ME2: variants seen among roughly 807,000 people sequenced by gnomAD.
ME2 encodes NAD-dependent malic enzyme, mitochondrial.
A neutral mutation model predicts 73.7 loss-of-function variants in ME2; 60 were observed. The observed-to-expected ratio is 0.81, with a 90% CI of 0.66 to 1.01. The LOEUF (loss-of-function observed/expected upper bound fraction) is 1.01, where lower values mean the gene tolerates loss of function less well. Among genes scored for constraint, ME2 ranks in the 50% least tolerant of loss-of-function variants. The probability of loss-of-function intolerance (pLI) is 0.00; values close to 1 mark genes in which losing one functional copy is unlikely to be tolerated. For synonymous variants in ME2, 199 were observed against 236.9 expected (o/e 0.84, Z 1.47); for missense variants, 594 against 705.5 (o/e 0.84, Z 1.79).
At chr18:50,927,239 A>G (rs1217941186) in intron 12 of ME2, among the ~76,000 whole-genome samples, 1 of 152,192 alleles carries the variant, frequency 6.6e-6, no homozygotes, top group Non-Finnish European at 1.5e-5. Context: ...AGTGATTTTT[A>G]AAGGCTTGTT....
intron 10 of ME2, among the ~76,000 whole-genome samples, chr18:50,921,796 C>G (rs1917438032): frequency 2.0e-5 from 3 of 151,998 alleles, no homozygotes; most frequent in African/African-American, 7.2e-5. Context: ...GACCCTATCC[C>G]CAGGAAAAAA....
chr18:50,923,705 A>C (rs1917480478), intron 10 of ME2, among the ~76,000 whole-genome samples: 1 of 152,200 alleles, frequency 6.6e-6, no homozygotes, highest in South Asian at 2.1e-4. Flanking sequence ...ACTGCACTCA[A>C]GTCTGGGCGA....
intron 10 of ME2, 41 bp from the exon 11 acceptor site, chr18:50,924,057 G>A: frequency 8.4e-7 from 1 of 1,196,526 alleles, no homozygotes; most frequent in Non-Finnish European, 1.2e-6. Flanking sequence ...TCTTTAATAT[G>A]CATTGACTAA....
intron 1 of ME2, among the ~76,000 whole-genome samples, chr18:50,882,765 A>G (rs1438772794): frequency 6.6e-6 from 1 of 152,168 alleles, no homozygotes; most frequent in Non-Finnish European, 1.5e-5. Context: ...CCTGCCCAAC[A>G]TGGTGAAACC....
chr18:50,917,090 T>C (rs969666018), intron 5 of ME2: 1 of 291,340 alleles, frequency 3.4e-6, no homozygotes, highest in Admixed American at 4.5e-5. Context: ...GATATTTAAG[T>C]TGGTCCTCTA....
At chr18:50,879,539 C>T (rs1204458604) in intron 1 of ME2, among the ~76,000 whole-genome samples, 1 of 152,198 alleles carries the variant, frequency 6.6e-6, no homozygotes, top group Non-Finnish European at 1.5e-5. Context: ...CCAGCGGCCG[C>T]GGCTCTACCC....
chr18:50,889,381 T>C (rs552297701), intron 1 of ME2, among the ~76,000 whole-genome samples: 113 of 152,342 alleles, frequency 7.4e-4, no homozygotes, highest in African/African-American at 2.4e-3. Flanking sequence ...CAAGATTTGC[T>C]GAGCTTCTGG....
chr18:50,921,658 C>T (rs1254728840), intron 10 of ME2, among the ~76,000 whole-genome samples: 1 of 152,128 alleles, frequency 6.6e-6, no homozygotes, highest in African/African-American at 2.4e-5. Context: ...CTCGCTGCAA[C>T]TTCTGCCTCC....
rs1337757358 is a variant in ME2 at position 50,925,135 on chromosome 18, G to A, written c.1172-621G>A. On this transcript the variant is annotated intron_variant, in intron 11 of 15. Transcript: ENST00000321341. ...CATAATGTCAAGTTTCATCCATGTGGTAGCAAGTTTTATCTTCCCAATTAG... is the reference window on the plus strand; with the variant it reads ...CATAATGTCAAGTTTCATCCATGTGATAGCAAGTTTTATCTTCCCAATTAG... 3.9e-5 allele frequency among the ~76,000 whole-genome samples: 6 copies of A among 152,076 alleles called. No individual in the cohort carries two copies. The East Asian group carries it at 9.6e-4, about 24-fold the overall frequency.
chr18:50,883,629 G>A lies in ME2; in HGVS notation c.-13+4321G>A, dbSNP rs559760893. ...TGTAATCCCAGCACTTTGGGAGGCC[G>A]AGGCGGGCGGATCACCTGAGATCAG... On this transcript the variant is annotated intron_variant, in intron 1 of 15. Coordinates refer to ENST00000321341, the MANE Select transcript of ME2 (RefSeq NM_002396.5). Among the ~76,000 whole-genome samples, 9 of 152,266 alleles carry A rather than the reference G, an allele frequency of 5.9e-5. No homozygotes were observed. The South Asian group carries it at 1.2e-3, about 21-fold the overall frequency.
Position 50,949,851 on chromosome 18 carries a change from G to C in ME2, c.*2667G>C, listed in dbSNP as rs1210235633. 1.3e-5 allele frequency: 2 copies of C among 152,000 alleles called. No homozygotes were observed. The highest frequency in any genetic ancestry group is 2.9e-5 in the Non-Finnish European group (2 of 68,022). The allele number at this position is 152,000 out of a possible 1,614,324, so 9.4% of individuals were successfully genotyped here. A position where few individuals can be genotyped will look rare whatever the true frequency, so the allele number is the denominator to read the frequency against. On this transcript the variant is annotated 3_prime_UTR_variant, in exon 16 of 16. Coordinates refer to ENST00000321341, the MANE Select transcript of ME2 (RefSeq NM_002396.5). ...AATCTTTCAACAAGTATCAATTATT[G>C]GATGTAAATTAAAGTAAAATTGCTT...
chr18:50,935,330 G>T (rs1425996353), intron 13 of ME2: 8 of 151,964 alleles, frequency 5.3e-5, no homozygotes, highest in Non-Finnish European at 1.2e-4. Context: ...TGAAACCCTG[G>T]ATATACCGTA....
chr18:50,918,319 G>A (rs565816556), intron 7 of ME2, 106 bp downstream of exon 7: 2 of 607,726 alleles, frequency 3.3e-6, no homozygotes, highest in East Asian at 6.1e-5. Context: ...GTGTAGATAA[G>A]CAGGAGGCGA....
intron 1 of ME2, among the ~76,000 whole-genome samples, chr18:50,889,566 G>A (rs142211871): frequency 6.6e-6 from 1 of 152,196 alleles, no homozygotes; most frequent in East Asian, 1.9e-4. Context: ...AATTTATTGT[G>A]GATAAGAAGA....
rs757105891 is a variant in ME2 at position 50,921,173 on chromosome 18, G to T, written c.1042G>T (p.Gly348Cys). 3 of 1,564,146 alleles carry T rather than the reference G, an allele frequency of 1.9e-6. No individual in the cohort carries two copies. Among genetic ancestry groups the T allele is most frequent in the Non-Finnish European group, 2.6e-6 (3 of 1,143,274 alleles). Residue 348 changes from glycine (G) to cysteine (C), a missense_variant, in exon 10 of 16, where the codon GGT (glycine) becomes TGT (cysteine). By Grantham distance (159) the Gly-to-Cys change is radical. Transcript: ENST00000321341. ...QKKIWMFDKY[G>C]LLVKGRKAKI... ...GAAAATCTGGATGTTTGACAAGTAT[G>T]GTTTATTAGTTAAGGTAAGGTATTT...
chr18:50,906,057 T>G (rs1917011905), intron 2 of ME2, among the ~76,000 whole-genome samples: 1 of 152,170 alleles, frequency 6.6e-6, no homozygotes, highest in Admixed American at 6.5e-5. Flanking sequence ...TAGTCTCAAT[T>G]TGGTGGGACA....
At chr18:50,901,329 T>G (rs1916884520) in intron 2 of ME2, among the ~76,000 whole-genome samples, 1 of 152,104 alleles carries the variant, frequency 6.6e-6, no homozygotes. Context: ...TATTAAAGAG[T>G]CTGATTTGTA....
chr18:50,918,215 T>C lies in ME2; in HGVS notation c.734+2T>C. The C allele has an allele frequency of 4.4e-6, 7 of 1,591,044 alleles. No homozygotes were observed. The highest frequency in any genetic ancestry group is 6.0e-6 in the Non-Finnish European group (7 of 1,164,876). On this transcript the variant is annotated splice_donor_variant, in intron 7 of 15. Coordinates refer to ENST00000321341, the MANE Select transcript of ME2 (RefSeq NM_002396.5). LOFTEE classifies it high-confidence loss of function. ...GTTTATGAAAGCTATTACTGACAGGTATTTTTTAAAAGTTTGAGTATATGA... is the reference window on the plus strand; with the variant it reads ...GTTTATGAAAGCTATTACTGACAGGCATTTTTTAAAAGTTTGAGTATATGA...
At chr18:50,903,964 T>C (rs921005524) in intron 2 of ME2, among the ~76,000 whole-genome samples, 9 of 152,212 alleles carry the variant, frequency 5.9e-5, no homozygotes, top group Admixed American at 1.3e-4. Flanking sequence ...AAGTGGGTAT[T>C]AAAGTCTCCA....
Sources: gnomAD v4.1 joint callset for allele counts (sites outside exome capture counted in the v4.1 genomes callset) on GRCh38, gnomAD v4.1.1 for gene constraint, MANE v1.5 for transcripts, NCBI Gene and HGNC (gene_info 2026-07-23, HGNC 2026-07-21) for gene names.